The following CSMD1 variants were observed in gnomAD, a reference collection of about 807,000 sequenced individuals.
CSMD1 encodes the protein CUB and sushi domain-containing protein 1.
Under a neutral mutation model 417.5 loss-of-function variants are expected in CSMD1, and 213 were observed. That is an observed-to-expected ratio of 0.51 (90% CI 0.46 to 0.57). The LOEUF is 0.57. Ranked by LOEUF, CSMD1 falls within the 20% of genes least tolerant of loss-of-function variation. The pLI, the probability that CSMD1 is intolerant of heterozygous loss-of-function variation, is 0.00. For synonymous variants in CSMD1, 2,862 were observed against 1,736.8 expected, an observed-to-expected ratio of 1.65 and a Z score of -16.11; for missense variants, 6,923 against 4,529.7, an observed-to-expected ratio of 1.53 and a Z score of -15.17.
chr8:4,848,354 T>C (rs1182771200), intron 1 of CSMD1, among the ~76,000 whole-genome samples: 1 of 152,216 alleles, frequency 6.6e-6, no homozygotes, highest in Non-Finnish European at 1.5e-5. Flanking sequence ...GGGCCACCTA[T>C]ACAATGGTGG....
chr8:3,347,219 C>T (rs1420924023), intron 22 of CSMD1, among the ~76,000 whole-genome samples: 3 of 152,218 alleles, frequency 2.0e-5, no homozygotes, highest in African/African-American at 7.2e-5. Context: ...GCTCTTGTTT[C>T]TTGAAGCTTT....
At chr8:4,822,025 T>C (rs1297033573) in intron 1 of CSMD1, among the ~76,000 whole-genome samples, 3 of 152,170 alleles carry the variant, frequency 2.0e-5, no homozygotes, top group Admixed American at 6.5e-5. Context: ...ATCACTACTA[T>C]GGGAATTATT....
intron 25 of CSMD1, among the ~76,000 whole-genome samples, chr8:3,296,781 T>A (rs1804001670): frequency 2.0e-5 from 3 of 152,096 alleles, no homozygotes; most frequent in African/African-American, 7.2e-5. Flanking sequence ...AGTGGAGTTG[T>A]CATCCAGTGA....
chr8:3,708,386 T>A (rs760175771), intron 7 of CSMD1, 28 bp downstream of exon 7: 37 of 1,599,052 alleles, frequency 2.3e-5, no homozygotes, highest in Non-Finnish European at 2.8e-5. Context: ...GGCGTATCAA[T>A]CCTCAGATAG....
chr8:3,711,632 G>A (rs543185843), intron 6 of CSMD1, among the ~76,000 whole-genome samples: 1 of 152,128 alleles, frequency 6.6e-6, no homozygotes, highest in East Asian at 1.9e-4. Flanking sequence ...TCACAGGAAA[G>A]GGAACACGAG....
intron 8 of CSMD1, among the ~76,000 whole-genome samples, chr8:3,616,158 T>C (rs987902980): frequency 1.3e-5 from 2 of 152,190 alleles, no homozygotes; most frequent in South Asian, 2.1e-4. Context: ...ATGGTTTGGC[T>C]CTGTCCCCAC....
chr8:4,816,572 C>T (rs1261246872), intron 1 of CSMD1, among the ~76,000 whole-genome samples: 2 of 152,116 alleles, frequency 1.3e-5, no homozygotes, highest in Non-Finnish European at 2.9e-5. Flanking sequence ...AGATTTTAAT[C>T]AAGAGCCTTC....
At chr8:4,599,938 G>C (rs1209974175) in intron 2 of CSMD1, among the ~76,000 whole-genome samples, 1 of 152,152 alleles carries the variant, frequency 6.6e-6, no homozygotes, top group East Asian at 1.9e-4. Flanking sequence ...AGGTATGCAT[G>C]GATCTGACAC....
intron 5 of CSMD1, among the ~76,000 whole-genome samples, chr8:3,791,835 TAATAA>T (rs1799759507): frequency 7.8e-6 from 1 of 127,454 alleles, no homozygotes; most frequent in Non-Finnish European, 1.6e-5. Flanking sequence ...ATAATAATAA[TAATAA>T]AAAAATAATG....
chr8:3,612,126 A>T (rs1280546642), intron 8 of CSMD1, among the ~76,000 whole-genome samples: 1 of 152,142 alleles, frequency 6.6e-6, no homozygotes. Context: ...ATTATAGACT[A>T]ACAATAATTC....
At position 3,156,607 on chromosome 8, in the gene CSMD1, T is replaced by G. The variant is rs188544527; in HGVS notation, c.5914+1290A>C. Among the ~76,000 whole-genome samples, 56 of 152,240 alleles carry G rather than the reference T, an allele frequency of 3.7e-4. 1 individual carries two copies. In the South Asian group the frequency reaches 0.011, roughly 30 times the overall value. On this transcript the variant is annotated intron_variant, in intron 39 of 69. Transcript: ENST00000635120. ...ATTGAGGAGGGGACACTCTCTCCAG[T>G]GCAAAATTCAAGAGGGTGCCTAAAC... is the stretch of plus-strand genomic sequence containing the variant.
At chr8:4,387,688 G>C (rs539108757) in intron 3 of CSMD1, among the ~76,000 whole-genome samples, 10 of 147,502 alleles carry the variant, frequency 6.8e-5, no homozygotes, top group Admixed American at 1.4e-4. Context: ...CTTTTACAAA[G>C]AGACAGCCTT....
rs1167560078 is a variant in CSMD1, at chr8:3,399,535, A to G, written c.2267-6T>C. The stretch of plus-strand genomic sequence containing the variant: ...CAGATGTCCACCACATGGAGCTAAA[A>G]CAAGACGTAGAATATCTATTAGATC... On this transcript the variant is annotated splice_polypyrimidine_tract_variant and splice_region_variant and intron_variant, in intron 15 of 69. Coordinates refer to ENST00000635120, the MANE Select transcript of CSMD1 (RefSeq NM_033225.6). 6.3e-7 allele frequency: 1 copy of G among 1,579,742 alleles called. No homozygotes were observed. The highest frequency in any genetic ancestry group is 8.6e-7 in the Non-Finnish European group (1 of 1,165,756).
At chr8:3,122,207 T>A (rs1047787124) in intron 41 of CSMD1, among the ~76,000 whole-genome samples, 10 of 152,174 alleles carry the variant, frequency 6.6e-5, no homozygotes, top group Non-Finnish European at 8.8e-5. Flanking sequence ...AGTTATAGAA[T>A]GAATGCTTTT....
Position 3,027,047 on chromosome 8 carries a change from C to T in CSMD1, c.7855+2272G>A, listed in dbSNP as rs558653542. 7.2e-5 allele frequency among the ~76,000 whole-genome samples: 11 copies of T among 152,142 alleles called. No homozygotes were observed. In the East Asian group the frequency reaches 7.7e-4, roughly 11 times the overall value. The stretch of plus-strand genomic sequence containing the variant: ...AAGTCACACACTACGACATCTAAGA[C>T]GGCAAACCTATGCTCCAAAAAGAGA... On this transcript the variant is annotated intron_variant, in intron 51 of 69. Coordinates refer to ENST00000635120, the MANE Select transcript of CSMD1 (RefSeq NM_033225.6).
At chr8:2,950,845 T>C (rs1376113596) in intron 66 of CSMD1, among the ~76,000 whole-genome samples, 1 of 152,158 alleles carries the variant, frequency 6.6e-6, no homozygotes, top group Non-Finnish European at 1.5e-5. Context: ...AGACATGCAG[T>C]ATCTGTATAC....
At chr8:3,177,128 C>A (rs1480775760) in intron 37 of CSMD1, among the ~76,000 whole-genome samples, 2 of 152,122 alleles carry the variant, frequency 1.3e-5, no homozygotes, top group Admixed American at 1.3e-4. Context: ...ACGAGAGCCG[C>A]ATGCTACGTG....
In CSMD1 at chr8:3,831,405, C is replaced by T. The variant is rs1263309742; in HGVS notation, c.819-77363G>A. Among the ~76,000 whole-genome samples, 8 of 152,174 alleles carry T rather than the reference C, an allele frequency of 5.3e-5. 2 individuals carry two copies. In the South Asian group the frequency reaches 1.5e-3, roughly 28 times the overall value. ...GAGACAAATGATTCTTGGAACTGCC[C>T]TCACAATGACCAAAGCTATATTAAA... On this transcript the variant is annotated intron_variant, in intron 5 of 69. Transcript: ENST00000635120.
chr8:4,831,064 T>C (rs1005904992), intron 1 of CSMD1, among the ~76,000 whole-genome samples: 3 of 152,168 alleles, frequency 2.0e-5, no homozygotes, highest in African/African-American at 7.2e-5. Flanking sequence ...ACTCCAACCA[T>C]GCGAACTCAA....
Sources: gnomAD v4.1 joint callset for allele counts (sites outside exome capture counted in the v4.1 genomes callset) on GRCh38, gnomAD v4.1.1 for gene constraint, MANE v1.5 for transcripts, NCBI Gene and HGNC (gene_info 2026-07-23, HGNC 2026-07-21) for gene names.